The following TM9SF3 variants were observed in gnomAD, a reference collection of about 807,000 sequenced individuals.
The protein encoded by TM9SF3 is SM-11044-binding protein.
A neutral mutation model predicts 78.6 loss-of-function variants in TM9SF3; 14 were observed. The observed-to-expected ratio is 0.18, with a 90% confidence interval of 0.12 to 0.28. The LOEUF (loss-of-function observed/expected upper bound fraction) is 0.28. TM9SF3 is among the 10% of genes least tolerant of loss of function. TM9SF3 has a pLI of 1.00. For synonymous variants in TM9SF3, 231 were observed against 241.7 expected (o/e 0.96, Z 0.41); for missense variants, 496 against 721.9 (o/e 0.69, Z 3.59).
chr10:96,550,514 G>A (rs756935072), intron 7 of TM9SF3, among the ~76,000 whole-genome samples: 4 of 152,152 alleles, frequency 2.6e-5, no homozygotes, highest in Non-Finnish European at 5.9e-5. Flanking sequence ...TCATATGGCC[G>A]CACCTGAAAT....
At chr10:96,541,913 AT>A (rs1848038928) in intron 9 of TM9SF3, among the ~76,000 whole-genome samples, 1 of 152,346 alleles carries the variant, frequency 6.6e-6, no homozygotes, top group South Asian at 2.1e-4. Flanking sequence ...TCACAGATCC[AT>A]CCCCAGATCC....
At chr10:96,580,114 G>C (rs1008081894) in intron 1 of TM9SF3, among the ~76,000 whole-genome samples, 3 of 152,154 alleles carry the variant, frequency 2.0e-5, no homozygotes, top group South Asian at 2.1e-4. Flanking sequence ...CCTGGGAAAC[G>C]GCCAAGTGAG....
At chr10:96,556,159 C>G (rs1848231603) in intron 5 of TM9SF3, among the ~76,000 whole-genome samples, 1 of 152,156 alleles carries the variant, frequency 6.6e-6, no homozygotes, top group Non-Finnish European at 1.5e-5. Flanking sequence ...CCTGGTGTCA[C>G]AAAGGGGTTT....
At chr10:96,531,927 C>T (rs1252173542) in intron 10 of TM9SF3, among the ~76,000 whole-genome samples, 2 of 152,198 alleles carry the variant, frequency 1.3e-5, no homozygotes, top group East Asian at 3.9e-4. Flanking sequence ...AAATAAACTA[C>T]AGGCTGGGCG....
chr10:96,549,345 T>C (rs1321926294), intron 7 of TM9SF3, among the ~76,000 whole-genome samples: 1 of 152,208 alleles, frequency 6.6e-6, no homozygotes, highest in Admixed American at 6.5e-5. Context: ...CACTTTGTAT[T>C]ATTATTTTCT....
chr10:96,539,951 C>A (rs575439848), intron 9 of TM9SF3, among the ~76,000 whole-genome samples: 1 of 152,128 alleles, frequency 6.6e-6, no homozygotes, highest in South Asian at 2.1e-4. Context: ...TATCTCTTTG[C>A]GTTCTTCTGA....
intron 1 of TM9SF3, among the ~76,000 whole-genome samples, chr10:96,584,735 C>T (rs568556797): frequency 2.0e-5 from 3 of 152,286 alleles, no homozygotes; most frequent in East Asian, 1.9e-4. Flanking sequence ...CGCTTGAGCC[C>T]GCAAGGCTGA....
intron 1 of TM9SF3, among the ~76,000 whole-genome samples, chr10:96,585,444 C>T (rs1459589575): frequency 1.3e-5 from 2 of 152,138 alleles, no homozygotes; most frequent in African/African-American, 4.8e-5. Flanking sequence ...AACCTCCCAA[C>T]AAAATTATCT....
chr10:96,562,260 G>A (rs1449651180), intron 3 of TM9SF3, 122 bp from the exon 4 acceptor site: 4 of 731,108 alleles, frequency 5.5e-6, no homozygotes, highest in Non-Finnish European at 8.4e-6. Flanking sequence ...CTCCCTCCCT[G>A]GCCACTCTTG....
chr10:96,569,892 C>T (rs550362257), intron 2 of TM9SF3, among the ~76,000 whole-genome samples: 18 of 152,072 alleles, frequency 1.2e-4, no homozygotes, highest in African/African-American at 2.7e-4. Flanking sequence ...ATCAGCTTGG[C>T]GTGGTGGCGT....
intron 1 of TM9SF3, among the ~76,000 whole-genome samples, chr10:96,584,751 C>T (rs1419581420): frequency 6.6e-6 from 1 of 152,158 alleles, no homozygotes; most frequent in Non-Finnish European, 1.5e-5. Flanking sequence ...GCTGAGGTTG[C>T]AGTGATGTGA....
intron 4 of TM9SF3, chr10:96,560,323 G>A (rs1020207368): frequency 3.2e-5 from 24 of 744,066 alleles, no homozygotes; most frequent in Non-Finnish European, 5.2e-5. Flanking sequence ...TTTAAGAACG[G>A]TCAGTTTAGG....
intron 7 of TM9SF3, among the ~76,000 whole-genome samples, chr10:96,548,655 A>C (rs568892956): frequency 8.6e-5 from 13 of 151,994 alleles, no homozygotes; most frequent in Middle Eastern, 3.4e-3. Flanking sequence ...AAAATTAGCC[A>C]TGTGTGATGG....
At position 96,518,766 on chromosome 10, in the gene TM9SF3, GTAAGTCTAGTTTAT is replaced by G. The variant is rs1847724650; in HGVS notation, c.*3483_*3496del. 1 of 152,034 alleles carries G rather than the reference GTAAGTCTAGTTTAT, an allele frequency of 6.6e-6. No homozygotes were observed. The allele number at this position is 152,034 out of a possible 1,614,324, so 9.4% of individuals were successfully genotyped here. A position where few individuals can be genotyped will look rare whatever the true frequency, so the allele number is the denominator to read the frequency against. ...GTTAACGTTCTGATCTAGCCTACCT[GTAAGTCTAGTTTAT>G]TTCTGTACACACTTCCAAATACTCT... is the stretch of plus-strand genomic sequence containing the variant. On this transcript the variant is annotated 3_prime_UTR_variant, in exon 15 of 15. Coordinates refer to ENST00000371142, the MANE Select transcript of TM9SF3 (RefSeq NM_020123.4).
intron 7 of TM9SF3, among the ~76,000 whole-genome samples, chr10:96,550,262 C>T (rs1055294634): frequency 1.8e-4 from 27 of 152,194 alleles, no homozygotes; most frequent in African/African-American, 6.5e-4. Flanking sequence ...TATGTAGGTA[C>T]TTTGAGAATT....
Position 96,586,811 on chromosome 10 carries a change from C to T in TM9SF3, c.25G>A (p.Gly9Ser). 7.9e-7 allele frequency: 1 copy of T among 1,269,590 alleles called. No homozygotes were observed. The highest frequency in any genetic ancestry group is 9.9e-7 in the Non-Finnish European group (1 of 1,007,106). The allele number at this position is 1,269,590 out of a possible 1,614,324, so 78.6% of individuals were successfully genotyped here. Residue 9 changes from glycine (G) to serine (S), a missense_variant, in exon 1 of 15, where the codon GGC becomes AGC. Physicochemically the swap from Gly to Ser is moderately conservative, Grantham distance 56. This residue lies in a region of TM9SF3 where 58 missense variants were observed against 32.9 expected (regional missense o/e 1.76). Transcript: ENST00000371142. MRPLPGAL[G>S]VAAAAALWLL... ...CACAGCGCGGCGGCCGCCGCCACGCCAAGAGCGCCAGGCAGCGGCCTCATC... is the reference window on the plus strand; with the variant it reads ...CACAGCGCGGCGGCCGCCGCCACGCTAAGAGCGCCAGGCAGCGGCCTCATC...
Position 96,576,614 on chromosome 10 carries a change from G to A in TM9SF3, c.298+20C>T. On this transcript the variant is annotated intron_variant, in intron 2 of 14. Transcript: ENST00000371142. ...TCTACAATCCAAATTGCATTGTAAG[G>A]ACTATTAAGGTTTACTTACCTTTAA... 1.3e-6 allele frequency: 2 copies of A among 1,551,274 alleles called. No homozygotes were observed. Among genetic ancestry groups the A allele is most frequent in the Non-Finnish European group, 1.7e-6 (2 of 1,154,090 alleles).
At chr10:96,560,087 C>A (rs1848286418) in intron 4 of TM9SF3, 3 of 605,586 alleles carry the variant, frequency 5.0e-6, no homozygotes, top group Admixed American at 2.7e-5. Context: ...ATCTGTACAT[C>A]TGCCTGGTGT....
chr10:96,552,855 C>T, intron 6 of TM9SF3, 73 bp downstream of exon 6: 4 of 1,319,074 alleles, frequency 3.0e-6, no homozygotes, highest in Non-Finnish European at 3.9e-6. Context: ...GAAATTATGA[C>T]CTACCTCCCA....
Sources: gnomAD v4.1 joint callset for allele counts (sites outside exome capture counted in the v4.1 genomes callset) on GRCh38, gnomAD v4.1.1 for gene constraint, gnomAD v4.1.1 regional missense constraint, MANE v1.5 for transcripts, NCBI Gene and HGNC (gene_info 2026-07-23, HGNC 2026-07-21) for gene names.